The following SIDT1 variants were observed in gnomAD, a reference collection of about 807,000 sequenced individuals.
The protein encoded by SIDT1 is SID1 transmembrane family, member 1.
SIDT1 carries 101 observed loss-of-function variants against 107.5 expected under a neutral mutation model. The observed-to-expected ratio is 0.94, with a 90% confidence interval of 0.80 to 1.11. The LOEUF is 1.11. Among genes scored for constraint, SIDT1 ranks in the 50% least tolerant of loss-of-function variants. The pLI is 0.00. For missense variants in SIDT1, 1,076 were observed against 1,058.2 expected (o/e 1.02, Z -0.23); for synonymous variants, 395 against 398.2 (o/e 0.99, Z 0.10).
chr3:113,636,403 A>C, the SIDT1 span, among the ~76,000 whole-genome samples: 1 of 152,152 alleles, frequency 6.6e-6, no homozygotes, highest in African/African-American at 2.4e-5. Flanking sequence ...ACTCTGTCCC[A>C]AAAAAATAAA....
At position 113,612,115 on chromosome 3, in the gene SIDT1, G is replaced by A. The variant is rs1396028559; in HGVS notation, c.1887G>A (p.Trp629Ter). The A allele has an allele frequency of 6.2e-7, 1 of 1,613,962 alleles. No individual in the cohort carries two copies. Among genetic ancestry groups the A allele is most frequent in the African/African-American group, 1.3e-5 (1 of 74,964 alleles). ...TTGGAAAAAATGACGTATGGTTCTG[G>A]GTCATCTTCTCTGCAATCCACGTTC... is the stretch of plus-strand genomic sequence containing the variant. The part of the protein sequence containing the change: ...VVFGKNDVWF[W>*]VIFSAIHVLA... Residue 629 changes from tryptophan to a stop codon, truncating the protein, a stop_gained, in exon 19 of 25, where the codon TGG (tryptophan) becomes TGA (stop). Transcript: ENST00000264852. LOFTEE classifies it high-confidence loss of function.
intron 4 of SIDT1, among the ~76,000 whole-genome samples, chr3:113,577,381 A>G (rs1314892886): frequency 6.6e-6 from 1 of 152,228 alleles, no homozygotes; most frequent in African/African-American, 2.4e-5. Context: ...CTGACACCAA[A>G]CAGATACACA....
intron 1 of SIDT1, among the ~76,000 whole-genome samples, chr3:113,537,008 G>A (rs1470817434): frequency 6.6e-6 from 1 of 152,220 alleles, no homozygotes; most frequent in Non-Finnish European, 1.5e-5. Flanking sequence ...CACAAATGCA[G>A]GTTTACTGGG....
chr3:113,567,812 C>T (rs1942060608), intron 3 of SIDT1, 102 bp downstream of exon 3: 1 of 1,209,876 alleles, frequency 8.3e-7, no homozygotes, highest in African/African-American at 1.5e-5. Context: ...AGGAAATTAT[C>T]CACTTAGCAT....
chr3:113,569,941 G>A (rs1467834319), intron 3 of SIDT1, among the ~76,000 whole-genome samples: 1 of 152,158 alleles, frequency 6.6e-6, no homozygotes, highest in Non-Finnish European at 1.5e-5. Context: ...GAGTCTTGCT[G>A]TATCACCAGG....
intron 14 of SIDT1, 68 bp from the exon 15 acceptor site, chr3:113,606,973 T>C: frequency 1.0e-6 from 1 of 982,162 alleles, no homozygotes; most frequent in Non-Finnish European, 1.7e-6. Context: ...GTCTGCTCTT[T>C]GTGTTCCTGC....
At chr3:113,552,383 A>C (rs1940358189) in intron 1 of SIDT1, among the ~76,000 whole-genome samples, 1 of 152,042 alleles carries the variant, frequency 6.6e-6, no homozygotes, top group South Asian at 2.1e-4. Context: ...AGACAGGGAG[A>C]CTCTAAAATG....
intron 1 of SIDT1, among the ~76,000 whole-genome samples, chr3:113,550,057 G>A (rs1940040946): frequency 6.6e-6 from 1 of 151,964 alleles, no homozygotes; most frequent in Non-Finnish European, 1.5e-5. Flanking sequence ...ACTTTGCCTT[G>A]GTGCAAAGAC....
At chr3:113,630,279 T>TA (rs1308727834), downstream of SIDT1, among the ~76,000 whole-genome samples, 2 of 152,074 alleles carry the variant, frequency 1.3e-5, no homozygotes, top group African/African-American at 2.4e-5. Context: ...GCTGTGCACA[T>TA]AAAAAATGAC....
chr3:113,559,287 C>T (rs893609601), intron 1 of SIDT1, among the ~76,000 whole-genome samples: 14 of 152,284 alleles, frequency 9.2e-5, no homozygotes, highest in African/African-American at 3.4e-4. Context: ...GTCATTGCAC[C>T]AACTAACATT....
chr3:113,538,645 T>A (rs1189801435), intron 1 of SIDT1, among the ~76,000 whole-genome samples: 1 of 152,314 alleles, frequency 6.6e-6, no homozygotes, highest in East Asian at 1.9e-4. Flanking sequence ...TACCAGAAAA[T>A]TTTCAAACAC....
At position 113,533,237 on chromosome 3, in the gene SIDT1, C is replaced by G. The variant is rs568571233; in HGVS notation, c.216C>G (p.Pro72=). ...ACTCTTTCAACTACACCAGCCAGCCCGACCAGGTAAGACACTCGCTCCCCT... is the reference window on the plus strand; with the variant it reads ...ACTCTTTCAACTACACCAGCCAGCCGGACCAGGTAAGACACTCGCTCCCCT... ...NIYSFNYTSQ[P]DQVTAVRVYV... The change falls in exon 1 of 25, where the codon CCC becomes CCG. Residue 72 remains proline (P), a synonymous_variant. Coordinates refer to ENST00000264852, the MANE Select transcript of SIDT1 (RefSeq NM_017699.3). 6.1e-6 allele frequency: 9 copies of G among 1,481,004 alleles called. No individual in the cohort carries two copies. In the East Asian group the frequency reaches 1.7e-4, roughly 27 times the overall value. The allele number at this position is 1,481,004 out of a possible 1,614,324, so 91.7% of individuals were successfully genotyped here. A position where few individuals can be genotyped will look rare whatever the true frequency, so the allele number is the denominator to read the frequency against.
chr3:113,538,273 G>A (rs907999078), intron 1 of SIDT1, among the ~76,000 whole-genome samples: 2 of 152,218 alleles, frequency 1.3e-5, no homozygotes, highest in Admixed American at 6.5e-5. Context: ...TGAAAACAGG[G>A]CATCAGTGTG....
intron 20 of SIDT1, among the ~76,000 whole-genome samples, chr3:113,616,687 TA>T (rs1326041739): frequency 6.9e-6 from 1 of 144,378 alleles, no homozygotes; most frequent in Admixed American, 7.0e-5. Context: ...TAAAAAATAA[TA>T]AAGAATTTTT....
chr3:113,603,084 C>T lies in SIDT1; in HGVS notation c.1197C>T (p.Ser399=), dbSNP rs1193465965. 1 of 1,614,066 alleles carries T rather than the reference C, an allele frequency of 6.2e-7. No individual in the cohort carries two copies. Among genetic ancestry groups the T allele is most frequent in the African/African-American group, 1.3e-5 (1 of 75,026 alleles). The change falls in exon 12 of 25, where the codon TCC becomes TCT. Residue 399 remains serine (S), a synonymous_variant. Transcript: ENST00000264852. ...GPPGQSDTDS[S]VEESDFDTMP... ...CGGGCCAGTCAGACACAGACAGCTC[C>T]GTGGAGGAGAGCGACTTCGACACCA...
intron 1 of SIDT1, among the ~76,000 whole-genome samples, chr3:113,541,320 C>T (rs1479472390): frequency 6.6e-6 from 1 of 152,122 alleles, no homozygotes; most frequent in Non-Finnish European, 1.5e-5. Flanking sequence ...CAGGCACCTG[C>T]CACCACACCC....
downstream of SIDT1, among the ~76,000 whole-genome samples, chr3:113,631,798 G>GCA (rs537371062): frequency 7.2e-5 from 11 of 152,190 alleles, no homozygotes; most frequent in Non-Finnish European, 1.5e-4. Context: ...CTTTCCTGAA[G>GCA]CACGGTCTTG....
chr3:113,632,397 T>C (rs1474310413), downstream of SIDT1, among the ~76,000 whole-genome samples: 1 of 152,194 alleles, frequency 6.6e-6, no homozygotes, highest in Non-Finnish European at 1.5e-5. Flanking sequence ...GGGTTTGCAT[T>C]TTATGATTTG....
intron 1 of SIDT1, among the ~76,000 whole-genome samples, chr3:113,534,293 C>A (rs1444803663): frequency 6.6e-6 from 1 of 152,182 alleles, no homozygotes; most frequent in Admixed American, 6.5e-5. Context: ...CTCATCACTT[C>A]CCAAAGTGAG....
Sources: gnomAD v4.1 joint callset for allele counts (sites outside exome capture counted in the v4.1 genomes callset) on GRCh38, gnomAD v4.1.1 for gene constraint, MANE v1.5 for transcripts, NCBI Gene and HGNC (gene_info 2026-07-23, HGNC 2026-07-21) for gene names.